The following CSMD1 variants were observed in gnomAD, a reference collection of about 807,000 sequenced individuals.
CSMD1 encodes CUB and Sushi multiple domains 1, also known as CUB and sushi domain-containing protein 1.
A neutral mutation model predicts 417.5 loss-of-function variants in CSMD1; 213 were observed. The ratio of observed to expected loss-of-function variants is 0.51; its 90% CI spans 0.46 to 0.57. The LOEUF is 0.57. Among genes scored for constraint, CSMD1 ranks in the 20% least tolerant of loss-of-function variants. The pLI is 0.00. For synonymous variants in CSMD1, 2,862 were observed against 1,736.8 expected, an observed-to-expected ratio of 1.65 and a Z score of -16.11; for missense variants, 6,923 against 4,529.7, an observed-to-expected ratio of 1.53 and a Z score of -15.17.
chr8:3,476,361 A>G (rs1458445865), intron 11 of CSMD1, among the ~76,000 whole-genome samples: 1 of 152,212 alleles, frequency 6.6e-6, no homozygotes, highest in African/African-American at 2.4e-5. Context: ...TTCCCTGTCA[A>G]AGAATATTCA....
chr8:3,971,446 G>C (rs1466039382), intron 5 of CSMD1, among the ~76,000 whole-genome samples: 1 of 152,020 alleles, frequency 6.6e-6, no homozygotes, highest in Non-Finnish European at 1.5e-5. Context: ...TAAGCTTTGG[G>C]ATTCGACTAA....
chr8:4,952,387 T>A (rs1433111724), intron 1 of CSMD1, among the ~76,000 whole-genome samples: 2 of 152,114 alleles, frequency 1.3e-5, no homozygotes, highest in East Asian at 3.9e-4. Context: ...GTCCACACAG[T>A]TTCACACTTA....
At chr8:4,166,280 A>G (rs945410231) in intron 3 of CSMD1, among the ~76,000 whole-genome samples, 1 of 152,210 alleles carries the variant, frequency 6.6e-6, no homozygotes, top group African/African-American at 2.4e-5. Flanking sequence ...CATAAACATA[A>G]AAGTTCTTAA....
At chr8:4,568,170 G>A (rs1290447691) in intron 2 of CSMD1, among the ~76,000 whole-genome samples, 1 of 152,034 alleles carries the variant, frequency 6.6e-6, no homozygotes. Context: ...ATAAGTTATG[G>A]GATACATGTG....
At chr8:4,211,528 T>G (rs1800311560) in intron 3 of CSMD1, among the ~76,000 whole-genome samples, 1 of 152,230 alleles carries the variant, frequency 6.6e-6, no homozygotes, top group Non-Finnish European at 1.5e-5. Flanking sequence ...TTTTATCTTT[T>G]GTATACTTTT....
chr8:4,492,166 A>T (rs939745911), intron 2 of CSMD1, among the ~76,000 whole-genome samples: 1 of 152,170 alleles, frequency 6.6e-6, no homozygotes, highest in Admixed American at 6.5e-5. Context: ...GTGCGATCAT[A>T]GTTCACTACA....
At chr8:4,391,389 T>G (rs1450376670) in intron 3 of CSMD1, among the ~76,000 whole-genome samples, 1 of 152,156 alleles carries the variant, frequency 6.6e-6, no homozygotes, top group African/African-American at 2.4e-5. Context: ...AAAAGTGATG[T>G]AAGACTTTGA....
At chr8:3,224,262 A>G (rs1222523403) in intron 27 of CSMD1, among the ~76,000 whole-genome samples, 1 of 152,232 alleles carries the variant, frequency 6.6e-6, no homozygotes, top group African/African-American at 2.4e-5. Context: ...ACATGATTTT[A>G]TGGCCATGTT....
intron 8 of CSMD1, among the ~76,000 whole-genome samples, chr8:3,589,884 G>T (rs929289714): frequency 6.6e-6 from 1 of 152,006 alleles, no homozygotes; most frequent in Non-Finnish European, 1.5e-5. Flanking sequence ...CTCAATTTTA[G>T]AAAAGAAAAT....
intron 3 of CSMD1, among the ~76,000 whole-genome samples, chr8:4,087,741 T>C (rs546901407): frequency 1.3e-5 from 2 of 152,186 alleles, no homozygotes; most frequent in African/African-American, 2.4e-5. Flanking sequence ...TTCTTCTGTC[T>C]CTCCCGTTCT....
intron 2 of CSMD1, among the ~76,000 whole-genome samples, chr8:4,443,195 A>G (rs372378526): frequency 1.7e-4 from 26 of 152,338 alleles, no homozygotes; most frequent in African/African-American, 5.1e-4. Context: ...ATTACTGAGT[A>G]TACAAGAGGT....
intron 37 of CSMD1, among the ~76,000 whole-genome samples, chr8:3,169,932 C>G (rs1360435969): frequency 6.6e-6 from 1 of 152,160 alleles, no homozygotes; most frequent in African/African-American, 2.4e-5. Flanking sequence ...CCTTCCTCCT[C>G]TCCCCTCTCT....
intron 29 of CSMD1, among the ~76,000 whole-genome samples, chr8:3,216,199 C>G (rs985938140): frequency 2.0e-5 from 3 of 152,020 alleles, no homozygotes; most frequent in Admixed American, 6.6e-5. Context: ...AAAATGGTAG[C>G]TGACATGTTG....
At chr8:3,108,834 T>C in intron 43 of CSMD1, 86 bp from the exon 44 acceptor site, 1 of 1,353,476 alleles carries the variant, frequency 7.4e-7, no homozygotes, top group Non-Finnish European at 1.0e-6. Flanking sequence ...AATTAATTTT[T>C]TTAATAAAAG....
intron 23 of CSMD1, among the ~76,000 whole-genome samples, chr8:3,314,637 G>A (rs183494888): frequency 1.3e-5 from 2 of 152,110 alleles, no homozygotes; most frequent in Non-Finnish European, 2.9e-5. Context: ...AAAATACTAC[G>A]AACAAAATGT....
intron 8 of CSMD1, among the ~76,000 whole-genome samples, chr8:3,613,672 T>C (rs932425886): frequency 6.7e-6 from 1 of 150,310 alleles, no homozygotes; most frequent in Non-Finnish European, 1.5e-5. Context: ...TAGAAACTTT[T>C]GAAAAAATTC....
intron 3 of CSMD1, among the ~76,000 whole-genome samples, chr8:4,126,782 A>C (rs1478102888): frequency 6.6e-6 from 1 of 152,202 alleles, no homozygotes; most frequent in African/African-American, 2.4e-5. Flanking sequence ...AGAAACAGGC[A>C]ACACTTCATT....
intron 1 of CSMD1, among the ~76,000 whole-genome samples, chr8:4,983,099 A>G (rs1286911331): frequency 6.6e-6 from 1 of 152,266 alleles, no homozygotes; most frequent in Non-Finnish European, 1.5e-5. Flanking sequence ...CTCAGTATAC[A>G]AAGAAAAACA....
intron 5 of CSMD1, among the ~76,000 whole-genome samples, chr8:3,945,448 C>G (rs1429410212): frequency 1.3e-5 from 2 of 152,048 alleles, no homozygotes; most frequent in African/African-American, 2.4e-5. Context: ...AGTCTAACTG[C>G]TAATCTTTTC....
Sources: gnomAD v4.1 joint callset for allele counts (sites outside exome capture counted in the v4.1 genomes callset) on GRCh38, gnomAD v4.1.1 for gene constraint, MANE v1.5 for transcripts, NCBI Gene and HGNC (gene_info 2026-07-23, HGNC 2026-07-21) for gene names.